The following SCRN1 variants were observed in gnomAD, a reference collection of about 807,000 sequenced individuals.
SCRN1 encodes the protein secernin 1.
A neutral mutation model predicts 43.3 loss-of-function variants in SCRN1; 19 were observed. The observed-to-expected ratio is 0.44, with a 90% CI of 0.31 to 0.64. The LOEUF is 0.64. SCRN1 is among the 30% of genes least tolerant of loss of function. SCRN1 has a pLI of 0.09. For missense variants in SCRN1, 447 were observed against 524.1 expected, an observed-to-expected ratio of 0.85 and a Z score of 1.44; for synonymous variants, 183 against 188.9, an observed-to-expected ratio of 0.97 and a Z score of 0.26.
At chr7:29,980,946 G>A (rs1049534008) in intron 1 of SCRN1, among the ~76,000 whole-genome samples, 1 of 152,170 alleles carries the variant, frequency 6.6e-6, no homozygotes, top group Non-Finnish European at 1.5e-5. Flanking sequence ...AAAAGACCTA[G>A]AAGGATTAAT....
At chr7:29,990,261 C>A, upstream of SCRN1, 1 of 1,551,476 alleles carries the variant, frequency 6.4e-7, no homozygotes, top group Non-Finnish European at 8.7e-7. Flanking sequence ...CAGACCCTGT[C>A]CCAGGTACTT....
At chr7:29,954,801 C>T (rs541652262) in intron 3 of SCRN1, among the ~76,000 whole-genome samples, 1 of 152,296 alleles carries the variant, frequency 6.6e-6, no homozygotes, top group South Asian at 2.1e-4. Flanking sequence ...CTGTCTCAGC[C>T]TCCTGAGTAG....
chr7:29,989,017 C>T (rs1488378456), intron 1 of SCRN1: 1 of 152,092 alleles, frequency 6.6e-6, no homozygotes, highest in East Asian at 1.9e-4. Context: ...CGGAGAACGC[C>T]CGGGTGCGGC....
chr7:29,953,514 G>A (rs1202655977), intron 3 of SCRN1, among the ~76,000 whole-genome samples: 1 of 151,224 alleles, frequency 6.6e-6, no homozygotes, highest in African/African-American at 2.4e-5. Context: ...AAATACTGGA[G>A]AGCTGTCAAA....
Position 29,936,681 on chromosome 7 carries a change from G to C in SCRN1, c.780C>G (p.Asp260Glu). 3.2e-6 allele frequency: 5 copies of C among 1,586,518 alleles called. No homozygotes were observed. Among genetic ancestry groups the C allele is most frequent in the Non-Finnish European group, 4.3e-6 (5 of 1,159,376 alleles). ...AGTCTATGCACACTCCGCTGGCTTT[G>C]TCCCGTAAGGTGTTCATCATAGTCT... ...TVQTMMNTLRDKASGVCIDSE... is the reference protein window; with the variant it reads ...TVQTMMNTLREKASGVCIDSE... The change falls in exon 6 of 8, where the codon GAC becomes GAG. Residue 260 changes from aspartate to glutamate, a missense_variant. Asp to Glu is a conservative substitution (Grantham distance 45). Coordinates refer to ENST00000242059, the MANE Select transcript of SCRN1 (RefSeq NM_014766.5).
At chr7:29,989,876 C>T (rs1789310913), upstream of SCRN1, 11 of 1,029,396 alleles carry the variant, frequency 1.1e-5, no homozygotes, top group South Asian at 4.1e-4. Flanking sequence ...TCCGCCTCCC[C>T]CACCCCGGCC....
rs149390268 is a variant in SCRN1 at position 29,968,490 on chromosome 7, C to G, written c.159+419G>C. Among the ~76,000 whole-genome samples the G allele has an allele frequency of 2.2e-4, 34 of 152,016 alleles. No individual in the cohort carries two copies. The East Asian group carries it at 6.4e-3, about 29-fold the overall frequency. On this transcript the variant is annotated intron_variant, in intron 2 of 7. Coordinates refer to ENST00000242059, the MANE Select transcript of SCRN1 (RefSeq NM_014766.5). ...TAATCGAAGAAAGGAGGAAAGGGAC[C>G]AGGATGAATATGCACATGTGTGTGT...
chr7:29,984,697 G>A (rs1789095384), intron 1 of SCRN1, among the ~76,000 whole-genome samples: 5 of 150,776 alleles, frequency 3.3e-5, no homozygotes, highest in Non-Finnish European at 1.5e-5. Flanking sequence ...TTGGGAAGCC[G>A]AGGTCTTGAG....
chr7:29,931,416 T>C (rs1236223297), intron 6 of SCRN1, among the ~76,000 whole-genome samples: 1 of 152,198 alleles, frequency 6.6e-6, no homozygotes, highest in Non-Finnish European at 1.5e-5. Flanking sequence ...CCATTTTACA[T>C]ATGAGATGAC....
intron 1 of SCRN1, among the ~76,000 whole-genome samples, chr7:29,973,019 C>T (rs1788712252): frequency 6.6e-6 from 1 of 152,158 alleles, no homozygotes; most frequent in African/African-American, 2.4e-5. Context: ...TTAAGGCTTC[C>T]AGTGATCTCA....
chr7:29,931,861 G>C (rs1245845041), intron 6 of SCRN1, among the ~76,000 whole-genome samples: 1 of 152,154 alleles, frequency 6.6e-6, no homozygotes, highest in Non-Finnish European at 1.5e-5. Context: ...AAAAACGCAG[G>C]CGCCCCTCAG....
At chr7:29,961,123 A>G (rs1451504553) in intron 2 of SCRN1, among the ~76,000 whole-genome samples, 2 of 108,058 alleles carry the variant, frequency 1.9e-5, no homozygotes, top group African/African-American at 7.3e-5. Flanking sequence ...ACAGAGGGGG[A>G]TTTGGCAGGG....
chr7:29,945,195 C>T (rs1296671591), intron 3 of SCRN1, among the ~76,000 whole-genome samples: 1 of 152,168 alleles, frequency 6.6e-6, no homozygotes, highest in African/African-American at 2.4e-5. Context: ...CTCCCCCTAG[C>T]CTTTCCAATT....
intron 3 of SCRN1, among the ~76,000 whole-genome samples, chr7:29,952,695 A>AGG (rs34352877): frequency 1.4e-4 from 3 of 21,708 alleles, no homozygotes; most frequent in African/African-American, 2.9e-4. Context: ...AAAAAAAAAA[A>AGG]GAGAGAGAGA....
At chr7:29,971,197 T>C (rs1275038762) in intron 1 of SCRN1, among the ~76,000 whole-genome samples, 1 of 152,256 alleles carries the variant, frequency 6.6e-6, no homozygotes, top group Non-Finnish European at 1.5e-5. Context: ...CTGTGTGACC[T>C]GCTTAAGTCA....
chr7:29,929,660 G>A (rs1414826854), intron 6 of SCRN1, among the ~76,000 whole-genome samples: 3 of 152,246 alleles, frequency 2.0e-5, no homozygotes, highest in East Asian at 3.8e-4. Context: ...GTGAGTCCCC[G>A]CTTTGCGTCT....
intron 1 of SCRN1, among the ~76,000 whole-genome samples, chr7:29,981,362 A>C (rs1237125511): frequency 2.0e-5 from 3 of 152,212 alleles, no homozygotes; most frequent in African/African-American, 7.2e-5. Context: ...AAACAGAGCT[A>C]AGATGTCTCA....
intron 6 of SCRN1, among the ~76,000 whole-genome samples, chr7:29,932,000 A>C (rs573363244): frequency 1.3e-5 from 2 of 152,218 alleles, no homozygotes; most frequent in Non-Finnish European, 2.9e-5. Context: ...ACAAAAAAAA[A>C]CTTTTAAAGT....
intron 3 of SCRN1, among the ~76,000 whole-genome samples, chr7:29,946,091 C>T (rs114877136): frequency 0.013 from 1,945 of 152,284 alleles, 38 homozygotes; most frequent in African/African-American, 0.045. Flanking sequence ...AATTACATGA[C>T]AATTCATTTG....
Sources: gnomAD v4.1 joint callset for allele counts (sites outside exome capture counted in the v4.1 genomes callset) on GRCh38, gnomAD v4.1.1 for gene constraint, MANE v1.5 for transcripts, NCBI Gene and HGNC (gene_info 2026-07-23, HGNC 2026-07-21) for gene names.